The following ITGA8 variants were observed in gnomAD, a reference collection of about 807,000 sequenced individuals.
ITGA8 encodes integrin alpha-8.
ITGA8 carries 91 observed loss-of-function variants against 142.3 expected under a neutral mutation model. That is an observed-to-expected ratio of 0.64 (90% CI 0.54 to 0.76). ITGA8 has a LOEUF of 0.76. ITGA8 is among the 30% of genes least tolerant of loss of function. The pLI, the probability that ITGA8 is intolerant of heterozygous loss-of-function variation, is 0.00. For missense variants in ITGA8, 1,406 were observed against 1,327.7 expected (o/e 1.06, Z -0.92); for synonymous variants, 505 against 485.2 (o/e 1.04, Z -0.54).
chr10:15,587,924 G>A (rs184368525), intron 22 of ITGA8, among the ~76,000 whole-genome samples: 1 of 152,264 alleles, frequency 6.6e-6, no homozygotes, highest in Admixed American at 6.5e-5. Flanking sequence ...TTTGGAGGTA[G>A]CTTCCATCTG....
chr10:15,659,305 A>G (rs916122009), intron 9 of ITGA8, among the ~76,000 whole-genome samples: 7 of 152,224 alleles, frequency 4.6e-5, no homozygotes, highest in Non-Finnish European at 8.8e-5. Context: ...CTGGAGAAAT[A>G]AAAGTTGAAT....
At chr10:15,671,241 A>G (rs1033317174) in intron 8 of ITGA8, among the ~76,000 whole-genome samples, 1 of 152,178 alleles carries the variant, frequency 6.6e-6, no homozygotes, top group Non-Finnish European at 1.5e-5. Context: ...GGGGAGAGTA[A>G]TTTTGGACAT....
intron 2 of ITGA8, among the ~76,000 whole-genome samples, chr10:15,711,572 T>C (rs1835364242): frequency 6.6e-6 from 1 of 152,104 alleles, no homozygotes; most frequent in South Asian, 2.1e-4. Context: ...TTTGGTGATC[T>C]ACAGCATCAT....
chr10:15,605,250 C>G (rs922371995), intron 19 of ITGA8, among the ~76,000 whole-genome samples: 1 of 152,180 alleles, frequency 6.6e-6, no homozygotes, highest in South Asian at 2.1e-4. Flanking sequence ...AATTTTGTGA[C>G]ACCTTCTGCT....
intron 2 of ITGA8, among the ~76,000 whole-genome samples, chr10:15,716,824 G>T (rs1044283278): frequency 1.3e-5 from 2 of 151,860 alleles, no homozygotes; most frequent in Non-Finnish European, 2.9e-5. Flanking sequence ...CCTTAGGCCC[G>T]GCTGATTTTG....
At chr10:15,537,276 T>C (rs1461235852) in intron 27 of ITGA8, among the ~76,000 whole-genome samples, 3 of 152,210 alleles carry the variant, frequency 2.0e-5, no homozygotes, top group African/African-American at 7.2e-5. Flanking sequence ...CAATGTACAG[T>C]GTATTCTTAG....
intron 6 of ITGA8, among the ~76,000 whole-genome samples, chr10:15,675,680 C>G (rs779119052): frequency 9.6e-4 from 146 of 152,314 alleles, no homozygotes; most frequent in Non-Finnish European, 1.8e-3. Context: ...TTGTAGCACT[C>G]CATGCTTAAA....
intron 23 of ITGA8, among the ~76,000 whole-genome samples, chr10:15,577,420 A>C (rs959799366): frequency 6.6e-6 from 1 of 151,980 alleles, no homozygotes; most frequent in African/African-American, 2.4e-5. Flanking sequence ...AGTACCATCT[A>C]CTCTATTTCT....
chr10:15,636,670 G>A (rs971971409), intron 13 of ITGA8, among the ~76,000 whole-genome samples: 4 of 152,060 alleles, frequency 2.6e-5, no homozygotes, highest in African/African-American at 4.8e-5. Context: ...ATCACTGCTA[G>A]TTGTTACCAA....
intron 14 of ITGA8, among the ~76,000 whole-genome samples, chr10:15,614,233 T>C (rs1234919892): frequency 6.6e-6 from 1 of 152,224 alleles, no homozygotes; most frequent in African/African-American, 2.4e-5. Context: ...CAAATTATCA[T>C]TGATAATTTT....
intron 2 of ITGA8, among the ~76,000 whole-genome samples, chr10:15,698,309 G>A (rs922591270): frequency 5.9e-5 from 9 of 152,136 alleles, no homozygotes; most frequent in African/African-American, 9.7e-5. Flanking sequence ...TCCACTCGTT[G>A]ATTGATGGGC....
intron 25 of ITGA8, among the ~76,000 whole-genome samples, chr10:15,567,320 T>G (rs77617295): frequency 0.015 from 2,245 of 152,192 alleles, 49 homozygotes; most frequent in African/African-American, 0.051. Flanking sequence ...ATAAGAAAAT[T>G]GATAGTTTGA....
chr10:15,558,126 T>C lies in ITGA8; in HGVS notation c.2714A>G (p.Lys905Arg). 1.2e-6 allele frequency: 2 copies of C among 1,614,164 alleles called. No individual in the cohort carries two copies. The highest frequency in any genetic ancestry group is 8.5e-7 in the Non-Finnish European group (1 of 1,180,022). The part of the protein sequence containing the change: ...RNSTIPHLVR[K>R]RDVHVVEFHR... ...GAATTCGACCACATGTACATCCCTCTTCCTGACAAGATGAGGAATAGTAGA... is the reference window on the plus strand; with the variant it reads ...GAATTCGACCACATGTACATCCCTCCTCCTGACAAGATGAGGAATAGTAGA... Residue 905 changes from lysine (K) to arginine (R), a missense_variant, in exon 26 of 30, where the codon AAG (lysine) becomes AGG (arginine). By Grantham distance (26) the Lys-to-Arg change is conservative. Transcript: ENST00000378076.
chr10:15,642,726 C>T (rs561355687), intron 13 of ITGA8, among the ~76,000 whole-genome samples: 77 of 152,288 alleles, frequency 5.1e-4, no homozygotes, highest in African/African-American at 1.8e-3. Flanking sequence ...CCCACTATGA[C>T]GTCTCCATTA....
chr10:15,690,475 G>A lies in ITGA8; in HGVS notation c.344-2437C>T, dbSNP rs543374048. On this transcript the variant is annotated intron_variant, in intron 2 of 29. Transcript: ENST00000378076. ...GTGCTGCAGTCACAGCCCTTGGCTT[G>A]GTGGGAGAGCTGCATCTACCCACAC... is the stretch of plus-strand genomic sequence containing the variant. 2.6e-5 allele frequency among the ~76,000 whole-genome samples: 4 copies of A among 152,184 alleles called. No individual in the cohort carries two copies. In the South Asian group the frequency reaches 8.3e-4, roughly 32 times the overall value.
intron 12 of ITGA8, among the ~76,000 whole-genome samples, chr10:15,645,036 G>A (rs1165496339): frequency 7.2e-6 from 1 of 138,558 alleles, no homozygotes; most frequent in African/African-American, 2.7e-5. Flanking sequence ...AGGTTGTGGT[G>A]AGCAGTGAGT....
intron 13 of ITGA8, among the ~76,000 whole-genome samples, chr10:15,640,725 A>C: frequency 6.6e-6 from 1 of 152,220 alleles, no homozygotes; most frequent in East Asian, 1.9e-4. Flanking sequence ...GAGGGCAATC[A>C]CAGAAACCTG....
intron 14 of ITGA8, 116 bp from the exon 15 acceptor site, chr10:15,613,883 G>A (rs1833347057): frequency 1.5e-6 from 1 of 677,072 alleles, no homozygotes. Flanking sequence ...ACAGGCCATT[G>A]CCAACGTTCT....
chr10:15,684,225 G>C, intron 3 of ITGA8, 98 bp from the exon 4 acceptor site: 1 of 1,308,018 alleles, frequency 7.6e-7, no homozygotes, highest in Non-Finnish European at 1.0e-6. Flanking sequence ...TTAAATTATT[G>C]GGTGAATTAA....
Sources: gnomAD v4.1 joint callset for allele counts (sites outside exome capture counted in the v4.1 genomes callset) on GRCh38, gnomAD v4.1.1 for gene constraint, MANE v1.5 for transcripts, NCBI Gene and HGNC (gene_info 2026-07-23, HGNC 2026-07-21) for gene names.